Variants in ADAM10 observed in about 807,000 individuals in gnomAD.
ADAM10 encodes disintegrin and metalloproteinase domain-containing protein 10.
Under a neutral mutation model 90.1 loss-of-function variants are expected in ADAM10, and 17 were observed. That is an observed-to-expected ratio of 0.19 (90% confidence interval 0.13 to 0.28). The LOEUF (loss-of-function observed/expected upper bound fraction) is 0.28, where lower values mean the gene tolerates loss of function less well. Among genes scored for constraint, ADAM10 ranks in the 10% least tolerant of loss-of-function variants. The pLI is 1.00. For synonymous variants in ADAM10, 310 were observed against 298.6 expected, an observed-to-expected ratio of 1.04 and a Z score of -0.40; for missense variants, 610 against 914.3, an observed-to-expected ratio of 0.67 and a Z score of 4.29.
At chr15:58,628,534 G>T (rs192985629) in intron 9 of ADAM10, among the ~76,000 whole-genome samples, 2 of 152,112 alleles carry the variant, frequency 1.3e-5, no homozygotes, top group African/African-American at 4.8e-5. Flanking sequence ...AGTGGTGTTC[G>T]GTTTTGATAA....
In ADAM10 at chr15:58,693,000, G is replaced by A. The variant is rs117110429; in HGVS notation, c.207-10686C>T. 1.2e-3 allele frequency: 954 copies of A among 780,732 alleles called. 11 individuals are homozygous for A. The East Asian group carries it at 0.023, about 19-fold the overall frequency. 48.4% of individuals were successfully genotyped at this position (780,732 alleles called of 1,614,324 possible). ...TGTCAATTTTCAGTTCTTTACCACC[G>A]TCCAACTTGGAAGGGTCTGTCAGGC... On this transcript the variant is annotated intron_variant, in intron 2 of 15. Coordinates refer to ENST00000260408, the MANE Select transcript of ADAM10 (RefSeq NM_001110.4).
chr15:58,703,291 CAA>C lies in ADAM10; in HGVS notation c.206+14284_206+14285del, dbSNP rs542156053. Among the ~76,000 whole-genome samples, 658 of 76,354 alleles carry C rather than the reference CAA, an allele frequency of 8.6e-3. 5 individuals carry two copies. Among genetic ancestry groups the C allele is most frequent in the African/African-American group, 0.028 (621 of 22,340 alleles). The allele number at this position is 76,354 out of a possible 152,430, so 50.1% of individuals were successfully genotyped here. A position where few individuals can be genotyped will look rare whatever the true frequency, so the allele number is the denominator to read the frequency against. On this transcript the variant is annotated intron_variant, in intron 2 of 15. Transcript: ENST00000260408. The stretch of plus-strand genomic sequence containing the variant: ...CCAGGAAAACAATTTGGTATTCCCT[CAA>C]AAAAAAAAAAAAAAAAAACACACAG...
intron 5 of ADAM10, chr15:58,655,196 G>A (rs936595942): frequency 1.3e-5 from 2 of 151,904 alleles, no homozygotes; most frequent in South Asian, 2.1e-4. Context: ...GTGCATATAC[G>A]TATTAGGCCA....
Position 58,673,925 on chromosome 15 carries a change from G to A in ADAM10, c.484+5199C>T, listed in dbSNP as rs141271033. On this transcript the variant is annotated intron_variant, in intron 4 of 15. Transcript: ENST00000260408. ...AACTTTTTGTATTTTTAGTAGAGAC[G>A]GGGTTTCACTGTTTAGCCAGGATGG... Among the ~76,000 whole-genome samples the A allele has an allele frequency of 6.1e-4, 93 of 152,108 alleles. No homozygotes were observed. The East Asian group carries it at 0.011, about 18-fold the overall frequency.
chr15:58,668,473 C>G (rs1897127266), intron 4 of ADAM10, among the ~76,000 whole-genome samples: 3 of 152,094 alleles, frequency 2.0e-5, no homozygotes, highest in African/African-American at 7.2e-5. Context: ...GCTGTGACAA[C>G]TGAAAAGAAA....
At chr15:58,679,080 T>A (rs1897359701) in intron 4 of ADAM10, 44 bp downstream of exon 4, 2 of 1,553,398 alleles carry the variant, frequency 1.3e-6, no homozygotes, top group Non-Finnish European at 1.8e-6. Context: ...TTAACTATCA[T>A]ATGCCTTTTG....
chr15:58,688,782 A>ATCTCTCTCTCTCTCTCTCTCTCTC (rs1164846744), intron 2 of ADAM10, among the ~76,000 whole-genome samples: 13 of 129,116 alleles, frequency 1.0e-4, no homozygotes, highest in African/African-American at 4.3e-4. Flanking sequence ...ATATATATAT[A>ATCTCTCTCTCTCTCTCTCTCTCTC]TATATCTCTC....
chr15:58,668,156 G>T (rs1391434946), intron 4 of ADAM10, among the ~76,000 whole-genome samples: 1 of 152,096 alleles, frequency 6.6e-6, no homozygotes, highest in South Asian at 2.1e-4. Context: ...TCTGATCAAT[G>T]ACAAACAGAA....
rs574009162 is a variant in ADAM10, at chr15:58,709,102, AAC to A, written c.206+8473_206+8474del. On this transcript the variant is annotated intron_variant, in intron 2 of 15. Transcript: ENST00000260408. ...TCAAACCAATAAACTAAACATATTC[AAC>A]ACAGTTACTATAAAAGATTTTCAGG... Among the ~76,000 whole-genome samples, 53 of 152,338 alleles carry A rather than the reference AAC, an allele frequency of 3.5e-4. 1 individual carries two copies. Among genetic ancestry groups the A allele is most frequent in the African/African-American group, 1.2e-3 (48 of 41,576 alleles).
intron 2 of ADAM10, chr15:58,691,676 C>CTTTTTTTTTTTTTTTTTTTT (rs71116587): frequency 8.6e-6 from 2 of 231,882 alleles, no homozygotes; most frequent in African/African-American, 4.5e-5. Context: ...ACTTCTTCTT[C>CTTTTTTTTTTTTTTTTTTTT]TTTTTTTTTT....
rs116588221 is a variant in ADAM10 at position 58,608,469 on chromosome 15, T to C, written c.2025+1828A>G. Among the ~76,000 whole-genome samples the C allele has an allele frequency of 4.6e-3, 696 of 152,318 alleles. 10 individuals are homozygous for C. The highest frequency in any genetic ancestry group is 0.016 in the African/African-American group (678 of 41,564). ...TTTATTATCTTACTGCTTGATGTGG[T>C]TAATGCCCACAAATGCACCAACAGC... On this transcript the variant is annotated intron_variant, in intron 14 of 15. Transcript: ENST00000260408.
At chr15:58,670,962 A>C (rs1897177811) in intron 4 of ADAM10, among the ~76,000 whole-genome samples, 1 of 152,150 alleles carries the variant, frequency 6.6e-6, no homozygotes, top group Non-Finnish European at 1.5e-5. Flanking sequence ...AAATGAGACC[A>C]AGAAAAAGTA....
intron 2 of ADAM10, among the ~76,000 whole-genome samples, chr15:58,705,611 CCAGAACCA>C (rs1898258287): frequency 6.6e-6 from 1 of 152,106 alleles, no homozygotes; most frequent in Non-Finnish European, 1.5e-5. Context: ...AATAGACATA[CCAGAACCA>C]CCTTTGGTGC....
chr15:58,717,050 AT>A (rs1898683454), intron 2 of ADAM10, among the ~76,000 whole-genome samples: 1 of 152,190 alleles, frequency 6.6e-6, no homozygotes, highest in Non-Finnish European at 1.5e-5. Flanking sequence ...CATATAAAGC[AT>A]CTAGAACACA....
intron 1 of ADAM10, chr15:58,747,799 T>C (rs1736149222): frequency 6.6e-6 from 1 of 152,156 alleles, no homozygotes; most frequent in South Asian, 2.1e-4. Context: ...TATTCAATTG[T>C]TTTTTCTTCA....
intron 2 of ADAM10, among the ~76,000 whole-genome samples, chr15:58,704,390 T>C (rs187565796): frequency 3.5e-4 from 53 of 152,250 alleles, no homozygotes; most frequent in Non-Finnish European, 6.9e-4. Flanking sequence ...TGCACAACGT[T>C]GTGCATGTAC....
Position 58,614,301 on chromosome 15 carries a change from AAAAAAGAAAG to A in ADAM10, c.1512-2320_1512-2311del, listed in dbSNP as rs869209243. On this transcript the variant is annotated intron_variant, in intron 11 of 15. Transcript: ENST00000260408. ...ACTCTGTCTCAAAATAAAAAGAAAG[AAAAAAGAAAG>A]AAAAAAAAAAGAAAACCTATTTATT... is the stretch of plus-strand genomic sequence containing the variant. Among the ~76,000 whole-genome samples the A allele has an allele frequency of 1.1e-3, 48 of 42,688 alleles. No homozygotes were observed. The East Asian group carries it at 0.065, about 58-fold the overall frequency. The allele number at this position is 42,688 out of a possible 152,430, so 28.0% of individuals were successfully genotyped here.
Position 58,749,548 on chromosome 15 carries a change from T to TGCCGCC in ADAM10, c.-20_-15dup, listed in dbSNP as rs750697632. The TGCCGCC allele has an allele frequency of 1.5e-4, 238 of 1,551,058 alleles. No individual in the cohort carries two copies. The highest frequency in any genetic ancestry group is 1.8e-4 in the Non-Finnish European group (208 of 1,146,810). On this transcript the variant is annotated 5_prime_UTR_variant, in exon 1 of 16. Transcript: ENST00000260408. ...CAGCAACACCATCTTCCGCTGCCGC[T>TGCCGCC]GCCGCCGCCGCCGCCTCCTCACGGG...
At chr15:58,623,692 A>T (rs1895853730) in intron 10 of ADAM10, among the ~76,000 whole-genome samples, 2 of 152,144 alleles carry the variant, frequency 1.3e-5, no homozygotes, top group East Asian at 3.9e-4. Context: ...AAGCCATCAT[A>T]CCCAGAAAAC....
Sources: allele counts gnomAD v4.1 joint callset (sites outside exome capture counted in the v4.1 genomes callset), GRCh38; gene constraint gnomAD v4.1.1; transcripts MANE v1.5; gene names NCBI Gene and HGNC (gene_info 2026-07-23, HGNC 2026-07-21).